CIZ1: variants seen among roughly 807,000 people sequenced by gnomAD.
CIZ1 encodes CDKN1A interacting zinc finger protein 1.
In CIZ1, 58 loss-of-function variants were observed where a neutral mutation model predicts 118.6. The observed-to-expected ratio is 0.49, with a 90% CI of 0.40 to 0.61. The LOEUF (loss-of-function observed/expected upper bound fraction) is 0.61. Among genes scored for constraint, CIZ1 ranks in the 20% least tolerant of loss-of-function variants. The pLI is 0.00. For missense variants in CIZ1, 921 were observed against 1,115.9 expected, an observed-to-expected ratio of 0.83 and a Z score of 2.49; for synonymous variants, 448 against 443.4, an observed-to-expected ratio of 1.01 and a Z score of -0.13.
intron 4 of CIZ1, among the ~76,000 whole-genome samples, chr9:128,186,122 G>T (rs1265182131): frequency 1.3e-5 from 2 of 151,994 alleles, no homozygotes. Context: ...AGGAGGGCTG[G>T]TCCCTGGGAT....
At position 128,176,235 on chromosome 9, in the gene CIZ1, C is replaced by T. The variant is rs950570395; in HGVS notation, c.1943+116G>A. 3.8e-6 allele frequency: 5 copies of T among 1,323,732 alleles called. No homozygotes were observed. The African/African-American group carries it at 7.3e-5, about 19-fold the overall frequency. 82.0% of individuals were successfully genotyped at this position (1,323,732 alleles called of 1,614,324 possible). A position where few individuals can be genotyped will look rare whatever the true frequency, so the allele number is the denominator to read the frequency against. ...TCACACAGTTAACAGTGTGAGGAGG[C>T]CTGGCTGGGGGTGCAGTGCTTAACC... On this transcript the variant is annotated intron_variant, in intron 11 of 16. Transcript: ENST00000372938.
Position 128,187,937 on chromosome 9 carries a change from T to C in CIZ1, c.287-3A>G. 1 of 738,930 alleles carries C rather than the reference T, an allele frequency of 1.4e-6. No homozygotes were observed. The allele number at this position is 738,930 out of a possible 1,614,324, so 45.8% of individuals were successfully genotyped here. On this transcript the variant is annotated splice_region_variant and splice_polypyrimidine_tract_variant and intron_variant, in intron 3 of 16. Coordinates refer to ENST00000372938, the MANE Select transcript of CIZ1 (RefSeq NM_001131016.2). The stretch of plus-strand genomic sequence containing the variant: ...TGGCATTGCAAACTGGTCCAGTCCT[T>C]TAGGAAAGCAATTCGGCAATACTTA...
intron 4 of CIZ1, among the ~76,000 whole-genome samples, chr9:128,186,989 G>C (rs1832460554): frequency 6.7e-6 from 1 of 150,086 alleles, no homozygotes; most frequent in Admixed American, 6.6e-5. Flanking sequence ...GCCCAGTCTG[G>C]AGTGCAGTGG....
intron 5 of CIZ1, 33 bp downstream of exon 5, chr9:128,185,514 T>TAC: frequency 3.2e-6 from 3 of 928,366 alleles, no homozygotes; most frequent in African/African-American, 1.7e-5. Flanking sequence ...CAGGGTCCCC[T>TAC]CCCGCCCACT....
At chr9:128,182,702 G>C (rs1831833203) in intron 5 of CIZ1, among the ~76,000 whole-genome samples, 1 of 151,532 alleles carries the variant, frequency 6.6e-6, no homozygotes, top group African/African-American at 2.4e-5. Flanking sequence ...CCTTCACTTA[G>C]AGCCTCAGAA....
intron 11 of CIZ1, among the ~76,000 whole-genome samples, chr9:128,173,531 G>A (rs1830428001): frequency 6.6e-6 from 1 of 152,054 alleles, no homozygotes; most frequent in Non-Finnish European, 1.5e-5. Context: ...CCCCACCTCA[G>A]CCTCCCAAAG....
rs139673040 is a variant in CIZ1 at position 128,167,038 on chromosome 9, G to A, written c.2365+57C>T. 7.6e-6 allele frequency: 12 copies of A among 1,576,842 alleles called. No homozygotes were observed. The African/African-American group carries it at 8.1e-5, about 11-fold the overall frequency. ...TGGCTGGGATATGGGAGGGTCATGT[G>A]GAGGCTGGGCCCAAGGGCTGAAGCT... On this transcript the variant is annotated intron_variant, in intron 15 of 16. Transcript: ENST00000372938.
intron 5 of CIZ1, among the ~76,000 whole-genome samples, chr9:128,183,975 C>A (rs1450517073): frequency 1.3e-5 from 2 of 152,204 alleles, no homozygotes; most frequent in Non-Finnish European, 2.9e-5. Context: ...ACCATGTTGG[C>A]CAGGCTGGTC....
intron 11 of CIZ1, among the ~76,000 whole-genome samples, chr9:128,176,141 A>G (rs1324790718): frequency 3.9e-5 from 6 of 152,204 alleles, no homozygotes; most frequent in African/African-American, 1.4e-4. Context: ...CCTTAAGAGA[A>G]TGTCATGAAT....
Position 128,166,613 on chromosome 9 carries a change from G to T in CIZ1, c.2487+146C>A. 8.7e-7 allele frequency: 1 copy of T among 1,151,392 alleles called. No individual in the cohort carries two copies. The allele number at this position is 1,151,392 out of a possible 1,614,324, so 71.3% of individuals were successfully genotyped here. A position where few individuals can be genotyped will look rare whatever the true frequency, so the allele number is the denominator to read the frequency against. On this transcript the variant is annotated intron_variant, in intron 16 of 16. Coordinates refer to ENST00000372938, the MANE Select transcript of CIZ1 (RefSeq NM_001131016.2). The surrounding 1 kb of genome is among the most constrained non-coding windows in gnomAD (Gnocchi z 4.4). ...ACAATAAGAGCCCAACCCCACCCCA[G>T]CTCTAATTCTCTCCCTGTTGGTGCA...
chr9:128,187,331 A>C (rs1832507875), intron 4 of CIZ1, among the ~76,000 whole-genome samples: 1 of 152,188 alleles, frequency 6.6e-6, no homozygotes, highest in African/African-American at 2.4e-5. Flanking sequence ...GATGAAAGGC[A>C]GTTGGAACTC....
chr9:128,191,677 T>TG (rs1833175526), upstream of CIZ1: 1 of 1,284,542 alleles, frequency 7.8e-7, no homozygotes, highest in Non-Finnish European at 9.9e-7. This position sits in a 1 kb window ranked among gnomAD's most constrained non-coding sequence, Gnocchi z 5.5. Flanking sequence ...CAAGTCACGC[T>TG]GGGGGGCGGC....
chr9:128,193,468 T>TG (rs1034639358), upstream of CIZ1, among the ~76,000 whole-genome samples: 1 of 151,612 alleles, frequency 6.6e-6, no homozygotes, highest in Non-Finnish European at 1.5e-5. Context: ...CAGCACTTTG[T>TG]GGGGGGTCCA....
At chr9:128,182,306 C>T (rs911355061) in intron 5 of CIZ1, among the ~76,000 whole-genome samples, 46 of 152,158 alleles carry the variant, frequency 3.0e-4, no homozygotes, top group Non-Finnish European at 6.2e-4. Flanking sequence ...ACTCTCTCGT[C>T]GCCGCACACA....
chr9:128,172,059 G>A (rs1383904755), intron 11 of CIZ1, among the ~76,000 whole-genome samples: 1 of 145,272 alleles, frequency 6.9e-6, no homozygotes, highest in Non-Finnish European at 1.5e-5. Context: ...TGGGAGGAGG[G>A]TTCCTTGAGC....
rs4075428 is a variant in CIZ1, at chr9:128,177,842, G to A, written c.1621-79C>T. On this transcript the variant is annotated intron_variant, in intron 9 of 16. Transcript: ENST00000372938. ...AGCCCAGCATTCAACATCTGCCAAC[G>A]TTGTCTCATCAGATCTTCCTGATGA... is the stretch of plus-strand genomic sequence containing the variant. 0.68 allele frequency: 669,009 copies of A among 976,874 alleles called. 234,043 individuals are homozygous for A. The highest frequency in any genetic ancestry group is 0.99 in the East Asian group (36,750 of 36,994). The allele number at this position is 976,874 out of a possible 1,614,324, so 60.5% of individuals were successfully genotyped here.
chr9:128,188,620 T>G (rs1832738370), intron 3 of CIZ1, among the ~76,000 whole-genome samples: 1 of 151,634 alleles, frequency 6.6e-6, no homozygotes, highest in Non-Finnish European at 1.5e-5. Flanking sequence ...GCCAAGAGTG[T>G]GAGTTATTTT....
At chr9:128,191,751 G>A (rs1299072151), upstream of CIZ1, 4 of 1,394,702 alleles carry the variant, frequency 2.9e-6, no homozygotes, top group Non-Finnish European at 3.7e-6. The surrounding 1 kb of genome is among the most constrained non-coding windows in gnomAD (Gnocchi z 5.5). Context: ...CGCGTCCTCC[G>A]CATCGCGAAG....
intron 6 of CIZ1, 25 bp downstream of exon 6, chr9:128,180,685 TGTCCCTCTGAA>T: frequency 6.7e-7 from 1 of 1,491,294 alleles, no homozygotes. Flanking sequence ...ACCCCATTCA[TGTCCCTCTGAA>T]GGGCCAGCAG....
Sources: allele counts gnomAD v4.1 joint callset (sites outside exome capture counted in the v4.1 genomes callset), GRCh38; gene constraint gnomAD v4.1.1; non-coding constraint Gnocchi (gnomAD v3.1); transcripts MANE v1.5; gene names NCBI Gene and HGNC (gene_info 2026-07-23, HGNC 2026-07-21).